Variants in STAG1 observed in about 807,000 individuals in gnomAD.
STAG1 encodes the protein cohesin subunit SA-1.
A neutral mutation model predicts 170.9 loss-of-function variants in STAG1; 26 were observed. The observed-to-expected ratio is 0.15, with a 90% CI of 0.11 to 0.21. STAG1 has a LOEUF of 0.21. Ranked by LOEUF, STAG1 falls within the 10% of genes least tolerant of loss-of-function variation. The pLI is 1.00. For missense variants in STAG1, 964 were observed against 1,509.5 expected (o/e 0.64, Z 5.99); for synonymous variants, 514 against 497.7 (o/e 1.03, Z -0.44).
intron 5 of STAG1, among the ~76,000 whole-genome samples, chr3:136,560,973 C>T (rs1432750196): frequency 2.0e-5 from 3 of 151,810 alleles, no homozygotes; most frequent in Non-Finnish European, 2.9e-5. Flanking sequence ...TTTCCTTGCT[C>T]TCTTCCCACT....
At chr3:136,511,670 G>C (rs1280317381) in intron 7 of STAG1, among the ~76,000 whole-genome samples, 5 of 152,186 alleles carry the variant, frequency 3.3e-5, no homozygotes, top group Non-Finnish European at 5.9e-5. Flanking sequence ...AGAGGAGGGA[G>C]AGAGTCAGGA....
chr3:136,692,313 CAAAAAAAAAAAAA>C (rs71157399), intron 1 of STAG1, among the ~76,000 whole-genome samples: 463 of 46,238 alleles, frequency 0.01, 6 homozygotes, highest in African/African-American at 0.044. Context: ...GACTCCATCT[CAAAAAAAAAAAAA>C]AAAAAAAAAA....
At chr3:136,629,305 A>G (rs1576687488) in intron 2 of STAG1, among the ~76,000 whole-genome samples, 1 of 152,274 alleles carries the variant, frequency 6.6e-6, no homozygotes, top group East Asian at 1.9e-4. Flanking sequence ...AACAAGAGAC[A>G]ATTATAAAAT....
At chr3:136,731,925 C>T (rs886392455) in intron 1 of STAG1, among the ~76,000 whole-genome samples, 2 of 152,064 alleles carry the variant, frequency 1.3e-5, no homozygotes, top group African/African-American at 2.4e-5. Context: ...GGTGTGGAGG[C>T]AAAATATCAC....
intron 15 of STAG1, among the ~76,000 whole-genome samples, chr3:136,439,441 C>CAA (rs71157382): frequency 1.3e-5 from 1 of 77,236 alleles, no homozygotes; most frequent in Non-Finnish European, 3.2e-5. Context: ...CACACACACA[C>CAA]AAACACTGTA....
chr3:136,464,281 G>A (rs1256332267), intron 13 of STAG1, among the ~76,000 whole-genome samples: 2 of 151,912 alleles, frequency 1.3e-5, no homozygotes, highest in Non-Finnish European at 2.9e-5. Context: ...AAATTAGCCG[G>A]GCAGGGTGGC....
At chr3:136,527,357 C>T (rs530006421) in intron 6 of STAG1, among the ~76,000 whole-genome samples, 78 of 152,270 alleles carry the variant, frequency 5.1e-4, no homozygotes, top group Non-Finnish European at 3.7e-4. Flanking sequence ...CTTCAATCAC[C>T]GATACCCTTT....
Position 136,747,271 on chromosome 3 carries a change from C to CA in STAG1, c.-84+4923dup, listed in dbSNP as rs767416797. 8.0e-3 allele frequency among the ~76,000 whole-genome samples: 790 copies of CA among 98,212 alleles called. 5 individuals carry two copies. The highest frequency in any genetic ancestry group is 0.015 in the African/African-American group (423 of 27,416). The allele number at this position is 98,212 out of a possible 152,430, so 64.4% of individuals were successfully genotyped here. ...CTGGGCGACAGAGCAAGACTCGTCC[C>CA]AAAAAAAAAAAAAAAAGAATTCTCT... On this transcript the variant is annotated intron_variant, in intron 1 of 33. Coordinates refer to ENST00000383202, the MANE Select transcript of STAG1 (RefSeq NM_005862.3).
At chr3:136,375,011 C>G (rs988844065) in intron 23 of STAG1, among the ~76,000 whole-genome samples, 1 of 152,004 alleles carries the variant, frequency 6.6e-6, no homozygotes, top group Non-Finnish European at 1.5e-5. Flanking sequence ...TAGTATTATA[C>G]AGTACAGGAT....
chr3:136,648,189 T>C (rs538268762), intron 1 of STAG1, among the ~76,000 whole-genome samples: 26 of 152,044 alleles, frequency 1.7e-4, no homozygotes, highest in South Asian at 2.1e-4. Context: ...AATAAACCCA[T>C]AGATCTCCAC....
chr3:136,679,279 C>T (rs1283428189), intron 1 of STAG1, among the ~76,000 whole-genome samples: 1 of 151,928 alleles, frequency 6.6e-6, no homozygotes, highest in Admixed American at 6.6e-5. Flanking sequence ...ATCTATCCCA[C>T]AGAAATAAAA....
intron 6 of STAG1, among the ~76,000 whole-genome samples, chr3:136,526,371 A>G (rs531367018): frequency 1.3e-4 from 19 of 151,920 alleles, no homozygotes; most frequent in East Asian, 9.7e-4. Context: ...GTCTCTTTCT[A>G]TCTTTGTTGG....
At chr3:136,396,337 C>T (rs538264574) in intron 22 of STAG1, among the ~76,000 whole-genome samples, 2 of 151,526 alleles carry the variant, frequency 1.3e-5, no homozygotes, top group Admixed American at 1.3e-4. Flanking sequence ...CCTGCCTCAG[C>T]CTCCTGAGTA....
intron 1 of STAG1, among the ~76,000 whole-genome samples, chr3:136,670,468 T>C (rs1159809225): frequency 6.6e-6 from 1 of 152,196 alleles, no homozygotes; most frequent in Non-Finnish European, 1.5e-5. Flanking sequence ...TTTGGTTTTA[T>C]ACCTTTTTTG....
chr3:136,344,159 C>A (rs1936119538), intron 29 of STAG1, among the ~76,000 whole-genome samples, 153 bp from the exon 30 acceptor site: 1 of 152,188 alleles, frequency 6.6e-6, no homozygotes, highest in South Asian at 2.1e-4. Flanking sequence ...TTGTGTAAGT[C>A]ATTAAACTTC....
intron 9 of STAG1, among the ~76,000 whole-genome samples, chr3:136,486,578 A>G (rs1401711360): frequency 2.6e-5 from 4 of 152,188 alleles, no homozygotes; most frequent in Non-Finnish European, 5.9e-5. Flanking sequence ...GTAAAAGTCA[A>G]TTCTATAAAA....
At chr3:136,382,178 TATGTAA>T (rs1410913883) in intron 22 of STAG1, among the ~76,000 whole-genome samples, 5 of 152,126 alleles carry the variant, frequency 3.3e-5, no homozygotes, top group Non-Finnish European at 7.4e-5. Context: ...TCTTGATTAG[TATGTAA>T]GAAAGTCTAG....
intron 9 of STAG1, among the ~76,000 whole-genome samples, chr3:136,490,346 T>G (rs1396299632): frequency 6.6e-6 from 1 of 152,166 alleles, no homozygotes; most frequent in Non-Finnish European, 1.5e-5. Flanking sequence ...TTATTTTAGA[T>G]GTATTGAAAA....
At chr3:136,679,726 C>CT (rs1218473173) in intron 1 of STAG1, among the ~76,000 whole-genome samples, 1 of 99,856 alleles carries the variant, frequency 1.0e-5, no homozygotes, top group East Asian at 2.3e-4. Flanking sequence ...AAGACTCCGT[C>CT]TTAAAAAAAA....
Sources: allele counts gnomAD v4.1 joint callset (sites outside exome capture counted in the v4.1 genomes callset), GRCh38; gene constraint gnomAD v4.1.1; transcripts MANE v1.5; gene names NCBI Gene and HGNC (gene_info 2026-07-23, HGNC 2026-07-21).